The following PAK3 variants were observed in gnomAD, a reference collection of about 807,000 sequenced individuals.
PAK3 encodes serine/threonine-protein kinase PAK 3.
Under a neutral mutation model 41.0 loss-of-function variants are expected in PAK3, and 4 were observed. That is an observed-to-expected ratio of 0.10 (90% CI 0.05 to 0.22). The LOEUF is 0.22. PAK3 is among the 10% of genes least tolerant of loss of function. The pLI, the probability that PAK3 is intolerant of heterozygous loss-of-function variation, is 1.00. For synonymous variants in PAK3, 146 were observed against 139.6 expected, an observed-to-expected ratio of 1.05 and a Z score of -0.32; for missense variants, 205 against 409.9, an observed-to-expected ratio of 0.50 and a Z score of 4.32.
At chrX:111,208,730 A>G (rs900497603) in intron 16 of PAK3, among the ~76,000 whole-genome samples, 1 of 112,014 alleles carries the variant, frequency 8.9e-6, no homozygotes, top group Non-Finnish European at 1.9e-5. Flanking sequence ...CATTTCTCAG[A>G]ATGTATTCCC....
chrX:111,030,542 CTATT>C (rs1342856929), intron 1 of PAK3, among the ~76,000 whole-genome samples: 2 of 111,515 alleles, frequency 1.8e-5, no homozygotes, highest in Non-Finnish European at 3.8e-5. Context: ...TTAAACTACT[CTATT>C]TATGTTGGCC....
At chrX:111,094,834 G>A (rs1191781925), upstream of PAK3, among the ~76,000 whole-genome samples, 4 of 109,287 alleles carry the variant, frequency 3.7e-5, no homozygotes, top group Non-Finnish European at 7.6e-5. Context: ...GATTACAGGC[G>A]CATGCCACCA....
intron 6 of PAK3, among the ~76,000 whole-genome samples, chrX:111,147,325 C>T (rs1037124857): frequency 9.0e-5 from 10 of 111,440 alleles, no homozygotes; most frequent in Middle Eastern, 4.7e-3. Context: ...GCTTGTTATT[C>T]CAGTCATAAA....
intron 16 of PAK3, among the ~76,000 whole-genome samples, chrX:111,207,875 A>G (rs999441787): frequency 5.4e-5 from 6 of 111,940 alleles, no homozygotes; most frequent in African/African-American, 2.0e-4. Flanking sequence ...GCTCACTGCA[A>G]CCTCCAACCC....
intron 1 of PAK3, among the ~76,000 whole-genome samples, chrX:111,071,641 AG>A (rs1343070128): frequency 8.9e-6 from 1 of 112,035 alleles, no homozygotes; most frequent in Non-Finnish European, 1.9e-5. Flanking sequence ...AACTCTTATG[AG>A]TATAGTTAAT....
At chrX:111,162,193 A>G (rs1391574361) in intron 8 of PAK3, among the ~76,000 whole-genome samples, 2 of 111,950 alleles carry the variant, frequency 1.8e-5, no homozygotes, top group Non-Finnish European at 3.8e-5. Flanking sequence ...CTTTGGAACC[A>G]TTTTACCACT....
At chrX:110,995,980 C>T (rs1384148279) in intron 1 of PAK3, among the ~76,000 whole-genome samples, 1 of 111,977 alleles carries the variant, frequency 8.9e-6, no homozygotes, top group Admixed American at 9.5e-5. Flanking sequence ...TCCCTGTGCA[C>T]CCTGTCTCAA....
At chrX:111,204,652 G>A (rs1276473810) in intron 16 of PAK3, among the ~76,000 whole-genome samples, 2 of 111,083 alleles carry the variant, frequency 1.8e-5, no homozygotes, top group African/African-American at 6.5e-5. Context: ...CAACCGGGTT[G>A]CAACATCATT....
At chrX:111,061,619 CT>C (rs2092656352) in intron 1 of PAK3, among the ~76,000 whole-genome samples, 1 of 111,561 alleles carries the variant, frequency 9.0e-6, no homozygotes. Context: ...TAAACAGGCC[CT>C]TTTTCATGTT....
At chrX:111,124,215 A>G (rs1466928270) in intron 5 of PAK3, among the ~76,000 whole-genome samples, 1 of 112,435 alleles carries the variant, frequency 8.9e-6, no homozygotes, top group Non-Finnish European at 1.9e-5. Flanking sequence ...GTACACCTGC[A>G]TAACTTAAAA....
At chrX:111,117,920 A>G (rs1021388148) in intron 4 of PAK3, among the ~76,000 whole-genome samples, 6 of 111,387 alleles carry the variant, frequency 5.4e-5, no homozygotes, top group Admixed American at 2.9e-4. Flanking sequence ...GGCTATAGTT[A>G]GTGGTTGGGC....
At chrX:111,058,253 T>C (rs1049111356) in intron 1 of PAK3, among the ~76,000 whole-genome samples, 2 of 111,899 alleles carry the variant, frequency 1.8e-5, no homozygotes, top group African/African-American at 6.5e-5. Flanking sequence ...TGAAGAACAG[T>C]TGAACTGTTT....
chrX:110,962,310 C>T (rs772841274), intron 1 of PAK3, among the ~76,000 whole-genome samples: 2 of 111,881 alleles, frequency 1.8e-5, no homozygotes, highest in Non-Finnish European at 3.8e-5. Flanking sequence ...CCTCCTTCAT[C>T]TCCCTCACCT....
At chrX:111,115,578 C>A (rs2093449402) in intron 4 of PAK3, among the ~76,000 whole-genome samples, 1 of 110,924 alleles carries the variant, frequency 9.0e-6, no homozygotes, top group African/African-American at 3.3e-5. Context: ...CCATAGCTCC[C>A]AAATGAGATG....
intron 4 of PAK3, among the ~76,000 whole-genome samples, chrX:111,110,740 A>G (rs1465216317): frequency 9.0e-6 from 1 of 111,685 alleles, no homozygotes. Flanking sequence ...AATTCTTAAA[A>G]CATACGGAGA....
chrX:110,996,660 C>T (rs1472802680), intron 1 of PAK3, among the ~76,000 whole-genome samples: 3 of 111,242 alleles, frequency 2.7e-5, no homozygotes, highest in Non-Finnish European at 5.7e-5. Context: ...CTCTCTCTTT[C>T]CCCCACCACC....
chrX:111,144,452 T>G (rs1018928473), intron 6 of PAK3, among the ~76,000 whole-genome samples: 13 of 111,901 alleles, frequency 1.2e-4, no homozygotes, highest in African/African-American at 3.9e-4. Flanking sequence ...TATATTATTA[T>G]GTTTATTAAA....
chrX:111,031,404 G>C (rs1240242798), intron 1 of PAK3, among the ~76,000 whole-genome samples: 1 of 111,795 alleles, frequency 8.9e-6, no homozygotes, highest in Non-Finnish European at 1.9e-5. Context: ...TCTTTGAGCA[G>C]AAAACAGAAG....
At chrX:111,005,497 C>T (rs764713328) in intron 1 of PAK3, among the ~76,000 whole-genome samples, 1 of 111,881 alleles carries the variant, frequency 8.9e-6, no homozygotes, top group East Asian at 2.8e-4. Flanking sequence ...CGCTACCCAT[C>T]TGTACATTTC....
Sources: gnomAD v4.1 joint callset for allele counts (sites outside exome capture counted in the v4.1 genomes callset) on GRCh38, gnomAD v4.1.1 for gene constraint, MANE v1.5 for transcripts, NCBI Gene and HGNC (gene_info 2026-07-23, HGNC 2026-07-21) for gene names.